The following ALG9 variants were observed in gnomAD, a reference collection of about 807,000 sequenced individuals.
ALG9 encodes alpha-1,2-mannosyltransferase ALG9.
ALG9 carries 55 observed loss-of-function variants against 81.8 expected under a neutral mutation model. The ratio of observed to expected loss-of-function variants is 0.67; its 90% CI spans 0.54 to 0.84. The LOEUF is 0.84. Among genes scored for constraint, ALG9 ranks in the 40% least tolerant of loss-of-function variants. The pLI, the probability that ALG9 is intolerant of heterozygous loss-of-function variation, is 0.00. For synonymous variants in ALG9, 278 were observed against 274.3 expected (o/e 1.01, Z -0.13); for missense variants, 629 against 745.0 (o/e 0.84, Z 1.81).
At chr11:111,820,892 T>C (rs1015382713) in intron 13 of ALG9, among the ~76,000 whole-genome samples, 4 of 149,376 alleles carry the variant, frequency 2.7e-5, no homozygotes, top group Non-Finnish European at 5.9e-5. Flanking sequence ...CCTGGGAACA[T>C]AGTGAGACCC....
chr11:111,868,856 C>A, intron 2 of ALG9, 120 bp from the exon 3 acceptor site: 1 of 1,065,688 alleles, frequency 9.4e-7, no homozygotes. Context: ...CACGATGCCT[C>A]ACACCTATAA....
At chr11:111,841,988 C>T (rs1555124428) in intron 9 of ALG9, among the ~76,000 whole-genome samples, 1 of 152,122 alleles carries the variant, frequency 6.6e-6, no homozygotes, top group Non-Finnish European at 1.5e-5. Context: ...CCTCTACCTC[C>T]CAGGTTCGAA....
chr11:111,801,997 C>T (rs1405162440), intron 14 of ALG9, among the ~76,000 whole-genome samples: 6 of 152,248 alleles, frequency 3.9e-5, no homozygotes, highest in African/African-American at 1.4e-4. Context: ...CCTACCATCA[C>T]TGTTGCTTCT....
At chr11:111,768,827 T>TTGTGTG in the ALG9 span, 161 of 97,436 alleles carry the variant, frequency 1.7e-3, no homozygotes, top group African/African-American at 7.4e-3. Context: ...ACATCCAGCT[T>TTGTGTG]CGTGTGTGTG....
intron 14 of ALG9, 90 bp from the exon 15 acceptor site, chr11:111,786,610 G>C (rs1360710402): frequency 4.4e-6 from 6 of 1,366,520 alleles, no homozygotes; most frequent in East Asian, 5.0e-5. Flanking sequence ...AAACTAATCT[G>C]TAGTAAGGAT....
intron 5 of ALG9, among the ~76,000 whole-genome samples, chr11:111,858,897 T>C (rs566253522): frequency 9.2e-5 from 14 of 152,172 alleles, no homozygotes; most frequent in Non-Finnish European, 1.8e-4. Flanking sequence ...ATTTTCTACA[T>C]ATAAAGATCA....
intron 13 of ALG9, among the ~76,000 whole-genome samples, chr11:111,813,638 A>G (rs569289120): frequency 6.6e-6 from 1 of 152,330 alleles, no homozygotes; most frequent in South Asian, 2.1e-4. Context: ...TAGAATATAT[A>G]TAACTTCTGC....
chr11:111,844,833 A>G, intron 8 of ALG9, 110 bp from the exon 9 acceptor site: 1 of 1,268,648 alleles, frequency 7.9e-7, no homozygotes, highest in Non-Finnish European at 1.1e-6. Flanking sequence ...CCTATGCCTC[A>G]TGGGAATGAG....
intron 13 of ALG9, among the ~76,000 whole-genome samples, chr11:111,813,971 A>C (rs1951107223): frequency 6.6e-6 from 1 of 152,238 alleles, no homozygotes; most frequent in African/African-American, 2.4e-5. Context: ...ATTGAACCAC[A>C]TGAAATTATT....
chr11:111,867,872 C>T (rs1448337066), intron 3 of ALG9, among the ~76,000 whole-genome samples: 1 of 151,992 alleles, frequency 6.6e-6, no homozygotes, highest in African/African-American at 2.4e-5. Flanking sequence ...AGGGAAAGAG[C>T]GTTAGTGGGA....
the ALG9 span, among the ~76,000 whole-genome samples, chr11:111,777,133 G>A: frequency 7.0e-6 from 1 of 141,874 alleles, no homozygotes; most frequent in South Asian, 2.1e-4. Context: ...AAGAGTAGCT[G>A]CTTCCTCCTC....
the ALG9 span, among the ~76,000 whole-genome samples, chr11:111,773,129 C>G: frequency 2.6e-5 from 4 of 152,068 alleles, no homozygotes; most frequent in Non-Finnish European, 5.9e-5. Flanking sequence ...CTCACTGAAT[C>G]TGATGCCCAT....
rs1958931237 is a variant in ALG9 at position 111,857,729 on chromosome 11, G to A, written c.574C>T (p.Pro192Ser). Residue 192 changes from proline (P) to serine (S), a missense_variant, in exon 6 of 15, where the codon CCT becomes TCT. Pro to Ser is a moderately conservative substitution (Grantham distance 74, BLOSUM62 -1). Around this residue, in one of 3 missense-constraint regions of ALG9, gnomAD observed 344 missense variants for 390.5 expected, o/e 0.88. Transcript: ENST00000616540. Reference sequence around the variant, plus strand: ...GTAGTGTACATACAGAAGCTACTAGGAAGGAATGCTGCAAGAGTAAAGAAG... The same window carrying A: ...GTAGTGTACATACAGAAGCTACTAGAAAGGAATGCTGCAAGAGTAAAGAAG... ...GMFCSSSAFL[P>S]SSFCMYTTLI... 6.2e-7 allele frequency: 1 copy of A among 1,614,066 alleles called. No homozygotes were observed. The highest frequency in any genetic ancestry group is 1.3e-5 in the African/African-American group (1 of 75,042).
chr11:111,853,820 A>T lies in ALG9; in HGVS notation c.702-84T>A, dbSNP rs996476120. ...TTCACACATACCTCATGCTGAACTGAGAATAAAATGCCTCTGCCAGTTATA... is the reference window on the plus strand; with the variant it reads ...TTCACACATACCTCATGCTGAACTGTGAATAAAATGCCTCTGCCAGTTATA... On this transcript the variant is annotated intron_variant, in intron 6 of 14. Coordinates refer to ENST00000616540, the MANE Select transcript of ALG9 (RefSeq NM_024740.2). The T allele has an allele frequency of 4.1e-6, 5 of 1,229,194 alleles. No individual in the cohort carries two copies. In the Admixed American group the frequency reaches 8.5e-5, roughly 21 times the overall value. The allele number at this position is 1,229,194 out of a possible 1,614,324, so 76.1% of individuals were successfully genotyped here. A position where few individuals can be genotyped will look rare whatever the true frequency, so the allele number is the denominator to read the frequency against.
intron 4 of ALG9, among the ~76,000 whole-genome samples, chr11:111,862,963 T>G (rs1388330103): frequency 3.3e-5 from 5 of 152,194 alleles, no homozygotes; most frequent in Non-Finnish European, 7.3e-5. Flanking sequence ...TATTATAATT[T>G]CTTGTTCACT....
intron 14 of ALG9, among the ~76,000 whole-genome samples, chr11:111,799,661 C>T (rs1948816245): frequency 6.6e-6 from 1 of 152,110 alleles, no homozygotes; most frequent in South Asian, 2.1e-4. Context: ...TTTCTCCCAT[C>T]CTGCTTTTTG....
In ALG9 at chr11:111,785,940, A is replaced by G. The variant is rs1444836437; in HGVS notation, c.*457T>C. On this transcript the variant is annotated 3_prime_UTR_variant, in exon 15 of 15. Coordinates refer to ENST00000616540, the MANE Select transcript of ALG9 (RefSeq NM_024740.2). ...GATTTCAATAAGAAGGTCTGCTAGG[A>G]GCTGCCAAACAGCTTTGGTGGAGAA... is the stretch of plus-strand genomic sequence containing the variant. 6.9e-6 allele frequency: 3 copies of G among 433,386 alleles called. No homozygotes were observed. The highest frequency in any genetic ancestry group is 2.0e-5 in the African/African-American group (1 of 49,188). The allele number at this position is 433,386 out of a possible 1,614,324, so 26.8% of individuals were successfully genotyped here. A position where few individuals can be genotyped will look rare whatever the true frequency, so the allele number is the denominator to read the frequency against.
At chr11:111,800,389 G>A (rs545987785) in intron 14 of ALG9, among the ~76,000 whole-genome samples, 5 of 152,176 alleles carry the variant, frequency 3.3e-5, no homozygotes, top group East Asian at 1.9e-4. Context: ...GCTGAGGCAG[G>A]AGAATCACTT....
At position 111,794,142 on chromosome 11, in the gene ALG9, T is replaced by C. The variant is rs1247857338; in HGVS notation, c.1734-7622A>G. Among the ~76,000 whole-genome samples, 3 of 152,242 alleles carry C rather than the reference T, an allele frequency of 2.0e-5. No individual in the cohort carries two copies. In the South Asian group the frequency reaches 6.2e-4, roughly 32 times the overall value. ...CCCTATCTATCAGGGCTGAGGAGCA[T>C]TCGGCGGTGGAGATTTAAATCTGCT... On this transcript the variant is annotated intron_variant, in intron 14 of 14. Coordinates refer to ENST00000616540, the MANE Select transcript of ALG9 (RefSeq NM_024740.2).
Sources: allele counts gnomAD v4.1 joint callset (sites outside exome capture counted in the v4.1 genomes callset), GRCh38; gene constraint gnomAD v4.1.1; regional missense constraint gnomAD v4.1.1; transcripts MANE v1.5; gene names NCBI Gene and HGNC (gene_info 2026-07-23, HGNC 2026-07-21).